HMCN2: variants seen among roughly 807,000 people sequenced by gnomAD.
HMCN2 encodes hemicentin 2.
In HMCN2, 325 loss-of-function variants were observed where a neutral mutation model predicts 377.5. The ratio of observed to expected loss-of-function variants is 0.86; its 90% CI spans 0.79 to 0.94. HMCN2 has a LOEUF of 0.94. HMCN2 is among the 40% of genes least tolerant of loss of function. The pLI is 0.00. For synonymous variants in HMCN2, 2,007 were observed against 2,046.8 expected (o/e 0.98, Z 0.53); for missense variants, 4,543 against 4,725.3 (o/e 0.96, Z 1.13).
At chr9:130,372,202 TA>T in intron 46 of HMCN2, 91 bp from the exon 47 acceptor site, 1 of 262,272 alleles carries the variant, frequency 3.8e-6, no homozygotes, top group South Asian at 1.4e-4. Flanking sequence ...CGCCTAATTA[TA>T]ATGCCTTTTC....
intron 24 of HMCN2, among the ~76,000 whole-genome samples, chr9:130,341,911 C>T: frequency 6.6e-6 from 1 of 152,152 alleles, no homozygotes; most frequent in Middle Eastern, 3.4e-3. Context: ...TGCAGTGGCT[C>T]ATGCCTGTAA....
At chr9:130,278,163 C>T (rs1168021808) in intron 1 of HMCN2, among the ~76,000 whole-genome samples, 1 of 152,130 alleles carries the variant, frequency 6.6e-6, no homozygotes, top group Non-Finnish European at 1.5e-5. Flanking sequence ...CTCGCTCTGT[C>T]ACCCAGGGTG....
rs560575935 is a variant in HMCN2, at chr9:130,393,625, C to T, written c.10235-117C>T. On this transcript the variant is annotated intron_variant, in intron 67 of 97. Coordinates refer to ENST00000683500, the MANE Select transcript of HMCN2 (RefSeq NM_001291815.2). This position sits in a 1 kb window ranked among gnomAD's most constrained non-coding sequence, Gnocchi z 5.2. Reference sequence around the variant, plus strand: ...GCTGTGGGAGCACAGAGGAGGGCACCTCACCTGGCCTTGGGGGACCAGGGC... The same window carrying T: ...GCTGTGGGAGCACAGAGGAGGGCACTTCACCTGGCCTTGGGGGACCAGGGC... The T allele has an allele frequency of 2.1e-6, 2 of 963,076 alleles. No homozygotes were observed. Among genetic ancestry groups the T allele is most frequent in the African/African-American group, 1.8e-5 (1 of 56,640 alleles). 59.7% of individuals were successfully genotyped at this position (963,076 alleles called of 1,614,324 possible). A position where few individuals can be genotyped will look rare whatever the true frequency, so the allele number is the denominator to read the frequency against.
rs1588286899 is a variant in HMCN2, at chr9:130,350,591, T to C, written c.4431-832T>C. On this transcript the variant is annotated intron_variant, in intron 29 of 97. Coordinates refer to ENST00000683500, the MANE Select transcript of HMCN2 (RefSeq NM_001291815.2). Reference sequence around the variant, plus strand: ...CCACGTAACATACAATTAGCCATTTTAAAGTGTACAGTGGGCCAGGTGCAG... The same window carrying C: ...CCACGTAACATACAATTAGCCATTTCAAAGTGTACAGTGGGCCAGGTGCAG... Among the ~76,000 whole-genome samples the C allele has an allele frequency of 2.0e-5, 3 of 149,642 alleles. No homozygotes were observed. In the South Asian group the frequency reaches 6.4e-4, roughly 32 times the overall value.
At chr9:130,324,324 A>G (rs1483149634) in intron 19 of HMCN2, among the ~76,000 whole-genome samples, 3 of 152,322 alleles carry the variant, frequency 2.0e-5, no homozygotes, top group Non-Finnish European at 4.4e-5. Context: ...AGGTTCATCC[A>G]TGGTGTAGCA....
At position 130,395,013 on chromosome 9, in the gene HMCN2, C is replaced by G. The variant is rs533974204; in HGVS notation, c.10693-14C>G. ...AGGGGCCAGGGGCAGCTGCTCAACCCGCTCCATCCCCAGGTTAGGGATGCT... is the reference window on the plus strand; with the variant it reads ...AGGGGCCAGGGGCAGCTGCTCAACCGGCTCCATCCCCAGGTTAGGGATGCT... On this transcript the variant is annotated splice_polypyrimidine_tract_variant and intron_variant, in intron 69 of 97. Transcript: ENST00000683500. 2 of 1,280,910 alleles carry G rather than the reference C, an allele frequency of 1.6e-6. No individual in the cohort carries two copies. The highest frequency in any genetic ancestry group is 2.3e-5 in the Admixed American group (1 of 42,762). The allele number at this position is 1,280,910 out of a possible 1,614,324, so 79.3% of individuals were successfully genotyped here.
intron 52 of HMCN2, among the ~76,000 whole-genome samples, chr9:130,377,315 A>G (rs1841442368): frequency 6.6e-6 from 1 of 151,506 alleles, no homozygotes; most frequent in Non-Finnish European, 1.5e-5. Flanking sequence ...GGGCTTCTTT[A>G]TGTTGGCCAG....
intron 62 of HMCN2, 103 bp from the exon 63 acceptor site, chr9:130,390,874 G>A (rs2131671917): frequency 2.7e-6 from 2 of 740,290 alleles, no homozygotes; most frequent in Non-Finnish European, 3.3e-6. Context: ...CTGGGCTGGG[G>A]AAGGTGGGGA....
Position 130,308,177 on chromosome 9 carries a change from G to A in HMCN2, c.2200+611G>A, listed in dbSNP as rs1046704479. Among the ~76,000 whole-genome samples, 1 of 152,106 alleles carries A rather than the reference G, an allele frequency of 6.6e-6. No homozygotes were observed. The highest frequency in any genetic ancestry group is 1.5e-5 in the Non-Finnish European group (1 of 68,004). ...TTACCATGTTGGACAGGCTAGTCTG[G>A]AACTCCTGACCTCAGGTGACCCACT... On this transcript the variant is annotated intron_variant, in intron 14 of 97. Coordinates refer to ENST00000683500, the MANE Select transcript of HMCN2 (RefSeq NM_001291815.2). The surrounding 1 kb of genome is among the most constrained non-coding windows in gnomAD (Gnocchi z 4.1).
chr9:130,370,640 G>C (rs117061016), intron 45 of HMCN2, among the ~76,000 whole-genome samples: 1 of 152,220 alleles, frequency 6.6e-6, no homozygotes, highest in Non-Finnish European at 1.5e-5. Flanking sequence ...CACTAATTCC[G>C]GTCCCACTGG....
Position 130,388,508 on chromosome 9 carries a change from C to T in HMCN2, c.9491C>T (p.Thr3164Met), listed in dbSNP as rs764493183. 1.7e-5 allele frequency: 17 copies of T among 987,958 alleles called. No homozygotes were observed. The highest frequency in any genetic ancestry group is 3.5e-5 in the African/African-American group (2 of 57,294). The allele number at this position is 987,958 out of a possible 1,614,324, so 61.2% of individuals were successfully genotyped here. A position where few individuals can be genotyped will look rare whatever the true frequency, so the allele number is the denominator to read the frequency against. Residue 3164 changes from threonine to methionine, a missense_variant, in exon 62 of 98, where the codon ACG becomes ATG. Physicochemically the swap from Thr to Met is moderately conservative, Grantham distance 81. Around this residue, in one of 5 missense-constraint regions of HMCN2, gnomAD observed 736 missense variants for 773.2 expected, o/e 0.95. Transcript: ENST00000683500. ...GATGTGTCCGGGGTCCCTGCACCCACGGTCACTTGGCTGAAGGACAGGATG... is the reference window on the plus strand; with the variant it reads ...GATGTGTCCGGGGTCCCTGCACCCATGGTCACTTGGCTGAAGGACAGGATG... ...TCDVSGVPAP[T>M]VTWLKDRMPV... is the part of the protein sequence containing the mutation.
chr9:130,283,313 C>T (rs566701505), intron 1 of HMCN2, among the ~76,000 whole-genome samples: 2 of 152,052 alleles, frequency 1.3e-5, no homozygotes, highest in East Asian at 3.9e-4. Context: ...ACATATACAA[C>T]ATAAGTAGAA....
At chr9:130,411,325 G>A (rs1843395483) in intron 85 of HMCN2, among the ~76,000 whole-genome samples, 1 of 152,068 alleles carries the variant, frequency 6.6e-6, no homozygotes. Context: ...TCTAGGGCTG[G>A]GCTCGGTGAC....
At position 130,357,214 on chromosome 9, in the gene HMCN2, G is replaced by A. The variant is rs538707895; in HGVS notation, c.5426-620G>A. Among the ~76,000 whole-genome samples the A allele has an allele frequency of 4.8e-5, 6 of 126,102 alleles. No homozygotes were observed. The South Asian group carries it at 1.8e-3, about 38-fold the overall frequency. 82.7% of individuals were successfully genotyped at this position (126,102 alleles called of 152,430 possible). A position where few individuals can be genotyped will look rare whatever the true frequency, so the allele number is the denominator to read the frequency against. On this transcript the variant is annotated intron_variant, in intron 34 of 97. Transcript: ENST00000683500. ...GGTGGATGGATGGATGGAAGGGCGGGTAGATGGATGAATGGGTGGGTGGGT... is the reference window on the plus strand; with the variant it reads ...GGTGGATGGATGGATGGAAGGGCGGATAGATGGATGAATGGGTGGGTGGGT...
intron 22 of HMCN2, among the ~76,000 whole-genome samples, chr9:130,329,483 G>GC (rs1162861456): frequency 1.6e-5 from 2 of 125,830 alleles, no homozygotes; most frequent in Non-Finnish European, 1.6e-5. Context: ...TCACTCTGTT[G>GC]CCAGGCTGGA....
chr9:130,283,681 G>C (rs1554926541), intron 1 of HMCN2, among the ~76,000 whole-genome samples: 1 of 152,126 alleles, frequency 6.6e-6, no homozygotes, highest in African/African-American at 2.4e-5. Context: ...GAACCATACT[G>C]TGTGTGCTGT....
At chr9:130,333,709 C>T (rs1458076190) in intron 22 of HMCN2, among the ~76,000 whole-genome samples, 1 of 152,198 alleles carries the variant, frequency 6.6e-6, no homozygotes, top group Non-Finnish European at 1.5e-5. Context: ...TGGGCTGCAG[C>T]CCCCAAACCT....
intron 90 of HMCN2, 112 bp from the exon 91 acceptor site, chr9:130,427,201 G>C (rs1844429460): frequency 8.7e-7 from 1 of 1,143,014 alleles, no homozygotes. Flanking sequence ...CACCGTCTTG[G>C]CTCTGCCTGG....
rs149199057 is a variant in HMCN2 at position 130,375,754 on chromosome 9, G to A, written c.7804+18G>A. The stretch of plus-strand genomic sequence containing the variant: ...GCTCCCAGGTGACGCCCTCTGGGGG[G>A]AAAGGAGGGAGGGAACAGGTGACAT... On this transcript the variant is annotated intron_variant, in intron 50 of 97. Coordinates refer to ENST00000683500, the MANE Select transcript of HMCN2 (RefSeq NM_001291815.2). 6.1e-6 allele frequency: 6 copies of A among 985,510 alleles called. No individual in the cohort carries two copies. Among genetic ancestry groups the A allele is most frequent in the South Asian group, 9.4e-5 (2 of 21,284 alleles). 61.0% of individuals were successfully genotyped at this position (985,510 alleles called of 1,614,324 possible). A position where few individuals can be genotyped will look rare whatever the true frequency, so the allele number is the denominator to read the frequency against.
Sources: gnomAD v4.1 joint callset for allele counts (sites outside exome capture counted in the v4.1 genomes callset) on GRCh38, gnomAD v4.1.1 for gene constraint, gnomAD v4.1.1 regional missense constraint, Gnocchi (gnomAD v3.1) non-coding constraint, MANE v1.5 for transcripts, NCBI Gene and HGNC (gene_info 2026-07-23, HGNC 2026-07-21) for gene names.